Variants in CLCA4 observed in about 807,000 individuals in gnomAD.
CLCA4 encodes chloride channel accessory 4.
Under a neutral mutation model 78.9 loss-of-function variants are expected in CLCA4, and 69 were observed. That is an observed-to-expected ratio of 0.87 (90% CI 0.72 to 1.07). The LOEUF (loss-of-function observed/expected upper bound fraction) is 1.07. CLCA4 is among the 50% of genes least tolerant of loss of function. CLCA4 has a pLI of 0.00. For missense variants in CLCA4, 1,133 were observed against 1,095.8 expected (o/e 1.03, Z -0.48); for synonymous variants, 362 against 375.8 (o/e 0.96, Z 0.42).
chr1:86,579,320 T>C, intron 12 of CLCA4, 34 bp from the exon 13 acceptor site: 1 of 1,476,272 alleles, frequency 6.8e-7, no homozygotes, highest in Non-Finnish European at 9.5e-7. Flanking sequence ...ACCAGTAGTT[T>C]TGCCCATTAT....
chr1:86,561,342 ACT>A (rs1339922186), intron 3 of CLCA4, among the ~76,000 whole-genome samples: 4 of 151,376 alleles, frequency 2.6e-5, no homozygotes, highest in African/African-American at 9.7e-5. Context: ...TTCTCTCACC[ACT>A]CTTATCCTTA....
intron 1 of CLCA4, chr1:86,552,789 G>A (rs894206352): frequency 1.6e-6 from 2 of 1,231,438 alleles, no homozygotes; most frequent in Non-Finnish European, 2.4e-6. Context: ...AGTAGGGGCT[G>A]TCCACGCCTG....
intron 1 of CLCA4, among the ~76,000 whole-genome samples, chr1:86,554,165 AC>A (rs1200537739): frequency 6.6e-6 from 1 of 151,860 alleles, no homozygotes; most frequent in Non-Finnish European, 1.5e-5. Context: ...TCTCAAGTAG[AC>A]CCCAGTGTCT....
Position 86,575,537 on chromosome 1 carries a change from C to CT in CLCA4, c.1890dup (p.Ala631CysfsTer4), listed in dbSNP as rs1239220201. 6.2e-7 allele frequency: 1 copy of CT among 1,613,310 alleles called. No homozygotes were observed. The highest frequency in any genetic ancestry group is 1.1e-5 in the South Asian group (1 of 91,060). ...GTACCTGTTCTTGGAGCCAATGTGA[C>CT]TGCTTTCATTGAATCACAGAATGGA... On this transcript the variant is annotated frameshift_variant, in exon 11 of 14. Coordinates refer to ENST00000370563, the MANE Select transcript of CLCA4 (RefSeq NM_012128.4). LOFTEE classifies it high-confidence loss of function.
chr1:86,566,099 A>T, intron 6 of CLCA4, 79 bp downstream of exon 6: 1 of 1,196,188 alleles, frequency 8.4e-7, no homozygotes, highest in Non-Finnish European at 1.2e-6. Flanking sequence ...CTGCACCTAG[A>T]TTGTTCTAAA....
chr1:86,569,225 C>T (rs764173102), intron 7 of CLCA4, among the ~76,000 whole-genome samples: 34 of 151,850 alleles, frequency 2.2e-4, no homozygotes, highest in Admixed American at 3.9e-4. Context: ...TGAGCCTTCT[C>T]TAAAAAGTAA....
In CLCA4 at chr1:86,579,567, A is replaced by T. The variant is rs746780743; in HGVS notation, c.2336A>T (p.Asp779Val). The change falls in exon 13 of 14, where the codon GAT (aspartate) becomes GTT (valine). Residue 779 changes from aspartate (D) to valine (V), a missense_variant. Coordinates refer to ENST00000370563, the MANE Select transcript of CLCA4 (RefSeq NM_012128.4). ...ATTCTTACATGGACAGCACCAGGAG[A>T]TAATTTTGATGTTGGAAAAGGTAAG... The part of the protein sequence containing the change: ...KIILTWTAPG[D>V]NFDVGKVQRY... 8.1e-6 allele frequency: 13 copies of T among 1,605,666 alleles called. No homozygotes were observed. The highest frequency in any genetic ancestry group is 1.0e-5 in the Non-Finnish European group (12 of 1,174,544).
At position 86,559,409 on chromosome 1, in the gene CLCA4, A is replaced by G. The variant is rs921797226; in HGVS notation, c.160-523A>G. 3.3e-5 allele frequency among the ~76,000 whole-genome samples: 5 copies of G among 152,154 alleles called. No individual in the cohort carries two copies. The South Asian group carries it at 1.0e-3, about 31-fold the overall frequency. ...TAGAGTGTCCTCCTCAGTTTGCATC[A>G]ACTAAGCCTGTTTTCTACGAAGATT... On this transcript the variant is annotated intron_variant, in intron 1 of 13. Coordinates refer to ENST00000370563, the MANE Select transcript of CLCA4 (RefSeq NM_012128.4).
intron 9 of CLCA4, chr1:86,573,095 G>C (rs1244440091): frequency 7.6e-6 from 2 of 262,864 alleles, no homozygotes; most frequent in Non-Finnish European, 1.5e-5. Flanking sequence ...TAACTTCTAT[G>C]ATATAGATTT....
rs377110697 is a variant in CLCA4, at chr1:86,575,564, A to C, written c.1916A>C (p.His639Pro). 11 of 1,612,868 alleles carry C rather than the reference A, an allele frequency of 6.8e-6. No individual in the cohort carries two copies. Among genetic ancestry groups the C allele is most frequent in the Non-Finnish European group, 9.3e-6 (11 of 1,179,338 alleles). Residue 639 changes from histidine (H) to proline (P), a missense_variant, in exon 11 of 14, where the codon CAT (histidine) becomes CCT (proline). His to Pro is a moderately conservative substitution (Grantham distance 77). Coordinates refer to ENST00000370563, the MANE Select transcript of CLCA4 (RefSeq NM_012128.4). ...GCTTTCATTGAATCACAGAATGGAC[A>C]TACAGAAGTTTTGGAACTTTTGGAT... ...VTAFIESQNG[H>P]TEVLELLDNG... is the part of the protein sequence containing the mutation.
intron 9 of CLCA4, among the ~76,000 whole-genome samples, chr1:86,573,251 C>T (rs565811270): frequency 6.6e-6 from 1 of 150,754 alleles, no homozygotes; most frequent in Non-Finnish European, 1.5e-5. Flanking sequence ...TTTTCGGTGG[C>T]TTTTTTTTTA....
intron 6 of CLCA4, among the ~76,000 whole-genome samples, 180 bp from the exon 7 acceptor site, chr1:86,567,244 A>G (rs1185508909): frequency 6.6e-6 from 1 of 151,976 alleles, no homozygotes; most frequent in East Asian, 1.9e-4. Flanking sequence ...CGTGTCCCAT[A>G]ATACACACCA....
At chr1:86,563,615 C>A in intron 3 of CLCA4, 46 bp from the exon 4 acceptor site, 3 of 921,002 alleles carry the variant, frequency 3.3e-6, no homozygotes, top group Admixed American at 2.4e-5. Context: ...TGATACAAAA[C>A]GTGTCACTTG....
At chr1:86,563,620 C>A in intron 3 of CLCA4, 41 bp from the exon 4 acceptor site, 1 of 967,010 alleles carries the variant, frequency 1.0e-6, no homozygotes, top group Non-Finnish European at 1.6e-6. Flanking sequence ...CAAAACGTGT[C>A]ACTTGGATTA....
intron 1 of CLCA4, among the ~76,000 whole-genome samples, chr1:86,559,431 G>T (rs1649948156): frequency 6.6e-6 from 1 of 152,124 alleles, no homozygotes; most frequent in South Asian, 2.1e-4. Context: ...TTTCTACGAA[G>T]ATTTCTTATA....
chr1:86,569,383 G>A (rs888967942), intron 7 of CLCA4, among the ~76,000 whole-genome samples: 5 of 151,812 alleles, frequency 3.3e-5, no homozygotes, highest in African/African-American at 1.2e-4. Flanking sequence ...GGCAAATGAG[G>A]GGATATGAAA....
At chr1:86,573,626 G>A (rs72722203) in intron 9 of CLCA4, among the ~76,000 whole-genome samples, 4,240 of 152,046 alleles carry the variant, frequency 0.028, 86 homozygotes, top group Non-Finnish European at 0.045. Flanking sequence ...GATTTGTTTG[G>A]ACATCTTGTC....
In CLCA4 at chr1:86,565,424, C is replaced by T. The variant is rs1224777551; in HGVS notation, c.708C>T (p.Ser236=). Residue 236 remains serine (S), a synonymous_variant, in exon 5 of 14, where the codon TCC becomes TCT. Coordinates refer to ENST00000370563, the MANE Select transcript of CLCA4 (RefSeq NM_012128.4). The part of the protein sequence containing the change: ...FPDKVQTEKA[S]IMFMQSIDSV... ...ATAAAGTACAAACAGAAAAAGCATCCATAATGTTTATGCAAAGTATTGATT... is the reference window on the plus strand; with the variant it reads ...ATAAAGTACAAACAGAAAAAGCATCTATAATGTTTATGCAAAGTATTGATT... The T allele has an allele frequency of 1.3e-6, 2 of 1,599,000 alleles. No individual in the cohort carries two copies. The highest frequency in any genetic ancestry group is 1.7e-6 in the Non-Finnish European group (2 of 1,172,696).
chr1:86,549,612 G>C (rs1290068663), intron 1 of CLCA4, among the ~76,000 whole-genome samples: 1 of 152,198 alleles, frequency 6.6e-6, no homozygotes, highest in Admixed American at 6.5e-5. Flanking sequence ...TGGTGACTAG[G>C]AACAGGGAGG....
Sources: gnomAD v4.1 joint callset for allele counts (sites outside exome capture counted in the v4.1 genomes callset) on GRCh38, gnomAD v4.1.1 for gene constraint, MANE v1.5 for transcripts, NCBI Gene and HGNC (gene_info 2026-07-23, HGNC 2026-07-21) for gene names.